Variants in OSBPL3 observed in about 807,000 individuals in gnomAD.
OSBPL3 encodes the protein oxysterol-binding protein-related protein 3.
A neutral mutation model predicts 120.1 loss-of-function variants in OSBPL3; 65 were observed. The observed-to-expected ratio is 0.54, with a 90% CI of 0.44 to 0.67. The LOEUF (loss-of-function observed/expected upper bound fraction) is 0.67. Among genes scored for constraint, OSBPL3 ranks in the 30% least tolerant of loss-of-function variants. The pLI, the probability that OSBPL3 is intolerant of heterozygous loss-of-function variation, is 0.00. For missense variants in OSBPL3, 1,004 were observed against 1,082.1 expected, an observed-to-expected ratio of 0.93 and a Z score of 1.01; for synonymous variants, 416 against 402.6, an observed-to-expected ratio of 1.03 and a Z score of -0.40.
intron 1 of OSBPL3, among the ~76,000 whole-genome samples, chr7:24,971,056 T>C (rs1414083590): frequency 1.3e-5 from 2 of 152,262 alleles, no homozygotes; most frequent in East Asian, 1.9e-4. Context: ...GATTTCATCC[T>C]GTCTACCCTG....
chr7:24,894,056 A>G lies in OSBPL3; in HGVS notation c.-149-1435T>C, dbSNP rs1382181627. 1.3e-5 allele frequency among the ~76,000 whole-genome samples: 2 copies of G among 152,194 alleles called. No individual in the cohort carries two copies. The highest frequency in any genetic ancestry group is 1.9e-4 in the East Asian group (1 of 5,204). On this transcript the variant is annotated intron_variant, in intron 1 of 22. Coordinates refer to ENST00000313367, the MANE Select transcript of OSBPL3 (RefSeq NM_015550.4). This position sits in a 1 kb window ranked among gnomAD's most constrained non-coding sequence, Gnocchi z 4.1. ...ATAGTCTAATTATAAAAAGAAGAGT[A>G]TCATATATTTGTCTAGGAACCAGCT...
intron 13 of OSBPL3, among the ~76,000 whole-genome samples, chr7:24,841,832 T>C (rs1056889761): frequency 1.3e-5 from 2 of 150,606 alleles, no homozygotes; most frequent in East Asian, 3.9e-4. Flanking sequence ...GCCAACATGG[T>C]GAAACCCTGG....
chr7:24,928,413 G>A (rs186168275), intron 1 of OSBPL3, among the ~76,000 whole-genome samples: 17 of 152,070 alleles, frequency 1.1e-4, no homozygotes, highest in East Asian at 1.9e-4. Context: ...GGATGGTCTC[G>A]ATCTCCTGAC....
chr7:24,958,494 T>C (rs559054797), intron 1 of OSBPL3, among the ~76,000 whole-genome samples: 4 of 152,306 alleles, frequency 2.6e-5, no homozygotes, highest in Admixed American at 1.3e-4. Context: ...TACTTCCAAC[T>C]TCACTTACAA....
chr7:24,889,909 G>A (rs1805094591), intron 2 of OSBPL3, among the ~76,000 whole-genome samples: 1 of 152,180 alleles, frequency 6.6e-6, no homozygotes, highest in Non-Finnish European at 1.5e-5. Context: ...CTGGGGCCTG[G>A]TGCTGGGTCC....
chr7:24,842,157 A>G, intron 13 of OSBPL3, 122 bp downstream of exon 13: 1 of 990,666 alleles, frequency 1.0e-6, no homozygotes, highest in East Asian at 2.4e-5. Flanking sequence ...CTCTCAGAAC[A>G]TAATGACTAC....
intron 1 of OSBPL3, among the ~76,000 whole-genome samples, chr7:24,979,458 G>C (rs1817964185): frequency 2.0e-5 from 3 of 152,098 alleles, no homozygotes; most frequent in Admixed American, 1.3e-4. Flanking sequence ...CAGTCTCTCC[G>C]GCGCGCCCCA....
rs936231987 is a variant in OSBPL3 at position 24,980,017 on chromosome 7, C to G, written c.-281G>C. ...AACGTGCAGCTGACAGCTCCCGCAC[C>G]GGCCGCAGGAGTCGGGGGCGGGGAT... is the stretch of plus-strand genomic sequence containing the variant. On this transcript the variant is annotated 5_prime_UTR_variant, in exon 1 of 23. Transcript: ENST00000313367. The G allele has an allele frequency of 1.2e-5, 12 of 985,366 alleles. No homozygotes were observed. The highest frequency in any genetic ancestry group is 1.7e-5 in the African/African-American group (1 of 57,236). 61.0% of individuals were successfully genotyped at this position (985,366 alleles called of 1,614,324 possible).
At chr7:24,970,474 G>A (rs1816884345) in intron 1 of OSBPL3, among the ~76,000 whole-genome samples, 1 of 151,994 alleles carries the variant, frequency 6.6e-6, no homozygotes, top group South Asian at 2.1e-4. Context: ...CAACTTCTCT[G>A]CAAAAGCATC....
At chr7:24,870,888 G>A in intron 4 of OSBPL3, 43 bp from the exon 5 acceptor site, 1 of 1,256,156 alleles carries the variant, frequency 8.0e-7, no homozygotes, top group Non-Finnish European at 1.2e-6. Context: ...CATGGTGTTA[G>A]AAGCAGTAGT....
Position 24,854,295 on chromosome 7 carries a change from G to A in OSBPL3, c.1028-1661C>T, listed in dbSNP as rs1036194461. 6.6e-6 allele frequency among the ~76,000 whole-genome samples: 1 copy of A among 152,076 alleles called. No individual in the cohort carries two copies. Among genetic ancestry groups the A allele is most frequent in the African/African-American group, 2.4e-5 (1 of 41,390 alleles). ...CTAGCACATTACTGAATTCCACAGG[G>A]CTGCATTTTTAGAGGTATTGTTATT... On this transcript the variant is annotated intron_variant, in intron 10 of 22. Coordinates refer to ENST00000313367, the MANE Select transcript of OSBPL3 (RefSeq NM_015550.4). This position sits in a 1 kb window ranked among gnomAD's most constrained non-coding sequence, Gnocchi z 4.1.
At chr7:24,870,675 T>C in intron 5 of OSBPL3, 57 bp downstream of exon 5, 1 of 1,066,432 alleles carries the variant, frequency 9.4e-7, no homozygotes, top group Non-Finnish European at 1.5e-6. Flanking sequence ...AATAGTATAA[T>C]AACTGATGAT....
chr7:24,946,998 C>A lies in OSBPL3; in HGVS notation c.-150+32888G>T, dbSNP rs749140206. On this transcript the variant is annotated intron_variant, in intron 1 of 22. Coordinates refer to ENST00000313367, the MANE Select transcript of OSBPL3 (RefSeq NM_015550.4). The surrounding 1 kb of genome is among the most constrained non-coding windows in gnomAD (Gnocchi z 4.3). ...AAGCATTATTGTTCATTATTCTTGC[C>A]GCTTTCATGTCTTTAAATTGTACAA... Among the ~76,000 whole-genome samples, 1 of 152,156 alleles carries A rather than the reference C, an allele frequency of 6.6e-6. No individual in the cohort carries two copies. Among genetic ancestry groups the A allele is most frequent in the Non-Finnish European group, 1.5e-5 (1 of 68,020 alleles).
rs1213170154 is a variant in OSBPL3 at position 24,806,562 on chromosome 7, G to GAAA, written c.2444+213_2444+214insTTT. On this transcript the variant is annotated intron_variant, in intron 21 of 22. Transcript: ENST00000313367. This position sits in a 1 kb window ranked among gnomAD's most constrained non-coding sequence, Gnocchi z 5.2. ...CCTTTTTTGGCATTTCAATGCAAATGGGGCTTTACAGATAATAAAGGCCAT... is the reference window on the plus strand; with the variant it reads ...CCTTTTTTGGCATTTCAATGCAAATGAAAGGGCTTTACAGATAATAAAGGCCAT... Among the ~76,000 whole-genome samples, 17 of 152,084 alleles carry GAAA rather than the reference G, an allele frequency of 1.1e-4. No homozygotes were observed. Among genetic ancestry groups the GAAA allele is most frequent in the Non-Finnish European group, 1.9e-4 (13 of 68,006 alleles).
rs763504373 is a variant in OSBPL3 at position 24,865,381 on chromosome 7, A to G, written c.634T>C (p.Trp212Arg). 3.7e-6 allele frequency: 6 copies of G among 1,613,916 alleles called. No homozygotes were observed. The highest frequency in any genetic ancestry group is 1.7e-5 in the Admixed American group (1 of 60,030). The change falls in exon 7 of 23, where the codon TGG becomes CGG. Residue 212 changes from tryptophan (W) to arginine (R), a missense_variant. Coordinates refer to ENST00000313367, the MANE Select transcript of OSBPL3 (RefSeq NM_015550.4). ...TCCATGTCCTCTGAAGACTGTAACCATAATGGAACTCGTGTCTCACCACCA... is the reference window on the plus strand; with the variant it reads ...TCCATGTCCTCTGAAGACTGTAACCGTAATGGAACTCGTGTCTCACCACCA... ...SCGGETRVPL[W>R]LQSSEDMEKC...
rs1398280112 is a variant in OSBPL3, at chr7:24,872,375, GT to G, written c.97-307del. Reference sequence around the variant, plus strand: ...AGATTTTCCTGTAAGTTCTATTTTTGTTCAGTTTGACATTACCATGCAATTA... The same window carrying G: ...AGATTTTCCTGTAAGTTCTATTTTTGTCAGTTTGACATTACCATGCAATTA... On this transcript the variant is annotated intron_variant, in intron 2 of 22. Transcript: ENST00000313367. The surrounding 1 kb of genome is among the most constrained non-coding windows in gnomAD (Gnocchi z 4.1). Among the ~76,000 whole-genome samples the G allele has an allele frequency of 6.7e-6, 1 of 149,652 alleles. No individual in the cohort carries two copies. Among genetic ancestry groups the G allele is most frequent in the Non-Finnish European group, 1.5e-5 (1 of 67,676 alleles).
intron 10 of OSBPL3, among the ~76,000 whole-genome samples, chr7:24,860,953 G>A (rs1273884942): frequency 6.6e-6 from 1 of 152,224 alleles, no homozygotes; most frequent in Non-Finnish European, 1.5e-5. Flanking sequence ...AGAAATGAGT[G>A]TTGGGTTGCA....
chr7:24,856,007 C>T (rs1246927880), intron 10 of OSBPL3, among the ~76,000 whole-genome samples: 2 of 152,196 alleles, frequency 1.3e-5, no homozygotes, highest in Non-Finnish European at 2.9e-5. Context: ...GTACATTCTG[C>T]TCTGGGACTT....
chr7:24,832,552 C>T (rs1022171028), intron 15 of OSBPL3, among the ~76,000 whole-genome samples: 2 of 150,798 alleles, frequency 1.3e-5, no homozygotes, highest in East Asian at 1.9e-4. Flanking sequence ...AAATCAACTG[C>T]ACTCAAGTCA....
Sources: gnomAD v4.1 joint callset for allele counts (sites outside exome capture counted in the v4.1 genomes callset) on GRCh38, gnomAD v4.1.1 for gene constraint, Gnocchi (gnomAD v3.1) non-coding constraint, MANE v1.5 for transcripts, NCBI Gene and HGNC (gene_info 2026-07-23, HGNC 2026-07-21) for gene names.